PRPF8: variants seen among roughly 807,000 people sequenced by gnomAD.
PRPF8 encodes pre-mRNA processing factor 8, also known as pre-mRNA-processing-splicing factor 8.
In PRPF8, 64 loss-of-function variants were observed where a neutral mutation model predicts 285.9. The ratio of observed to expected loss-of-function variants is 0.22; its 90% CI spans 0.18 to 0.28. PRPF8 has a LOEUF of 0.28. PRPF8 is among the 10% of genes least tolerant of loss of function. The probability of loss-of-function intolerance (pLI) is 1.00; values close to 1 mark genes in which losing one functional copy is unlikely to be tolerated. For missense variants in PRPF8, 1,426 were observed against 3,026.7 expected (o/e 0.47, Z 12.41); for synonymous variants, 1,325 against 1,118.2 (o/e 1.18, Z -3.69).
intron 2 of PRPF8, 69 bp from the exon 3 acceptor site, chr17:1,683,770 G>A: frequency 6.3e-7 from 1 of 1,583,230 alleles, no homozygotes; most frequent in Non-Finnish European, 8.6e-7. Flanking sequence ...TTGCCCTAGG[G>A]TAAGCTCCTG....
chr17:1,676,699 G>A lies in PRPF8; in HGVS notation c.2194C>T (p.Pro732Ser). The A allele has an allele frequency of 1.2e-6, 2 of 1,614,032 alleles. No homozygotes were observed. The highest frequency in any genetic ancestry group is 1.7e-6 in the Non-Finnish European group (2 of 1,180,030). ...ANIPWKVPGL[P>S]TPIENMILRY... ...AGGATCATATTCTCTATGGGCGTCG[G>A]CAGCCCAGGGACCTAAAAGTCCAAA... The change falls in exon 16 of 43, where the codon CCG becomes TCG. Residue 732 changes from proline (P) to serine (S), a missense_variant. Physicochemically the swap from Pro to Ser is moderately conservative, Grantham distance 74 (BLOSUM62 -1). Transcript: ENST00000304992. The surrounding 1 kb of genome is among the most constrained non-coding windows in gnomAD (Gnocchi z 6.3).
At position 1,659,386 on chromosome 17, in the gene PRPF8, G is replaced by A. The variant is rs1328845406; in HGVS notation, c.5109C>T (p.Ile1703=). Residue 1703 remains isoleucine (I), a synonymous_variant, in exon 32 of 43, where the codon ATC becomes ATT. Coordinates refer to ENST00000304992, the MANE Select transcript of PRPF8 (RefSeq NM_006445.4). The surrounding 1 kb of genome is among the most constrained non-coding windows in gnomAD (Gnocchi z 5.1). ...GCAAGTTATAGGCCAGGTCAATGGC[G>A]ATGAGTACACCTGTGGGCGAAGGGT... The part of the protein sequence containing the change: ...SIYPSPTGVL[I]AIDLAYNLHS... 8 of 1,613,946 alleles carry A rather than the reference G, an allele frequency of 5.0e-6. No individual in the cohort carries two copies. Among genetic ancestry groups the A allele is most frequent in the East Asian group, 2.2e-5 (1 of 44,890 alleles).
At chr17:1,669,148 C>T (rs928987847) in intron 24 of PRPF8, among the ~76,000 whole-genome samples, 4 of 152,168 alleles carry the variant, frequency 2.6e-5, no homozygotes, top group Non-Finnish European at 5.9e-5. Context: ...GCTCTGTCGC[C>T]GAGGCTGGGG....
chr17:1,672,925 T>C, intron 24 of PRPF8, 156 bp downstream of exon 24: 2 of 744,212 alleles, frequency 2.7e-6, no homozygotes, highest in Non-Finnish European at 4.9e-6. Context: ...TGAAGTGACC[T>C]GACATACTAT....
intron 24 of PRPF8, among the ~76,000 whole-genome samples, chr17:1,669,313 GC>G (rs1290183316): frequency 6.6e-6 from 1 of 152,074 alleles, no homozygotes; most frequent in Non-Finnish European, 1.5e-5. Flanking sequence ...CACCATGTTG[GC>G]CAGGCTGGTC....
chr17:1,661,584 G>A lies in PRPF8; in HGVS notation c.4202+27C>T, dbSNP rs1262984710. ...AAGGCCACCACTGCCCCTGCCCCAG[G>A]GTTGGCATGCCCTCCTAGGTGCCCA... On this transcript the variant is annotated intron_variant, in intron 26 of 42. Coordinates refer to ENST00000304992, the MANE Select transcript of PRPF8 (RefSeq NM_006445.4). The surrounding 1 kb of genome is among the most constrained non-coding windows in gnomAD (Gnocchi z 7.3). 6.2e-7 allele frequency: 1 copy of A among 1,612,420 alleles called. No homozygotes were observed. The highest frequency in any genetic ancestry group is 1.1e-5 in the South Asian group (1 of 91,020).
At position 1,659,804 on chromosome 17, in the gene PRPF8, G is replaced by A. The variant is rs766717476; in HGVS notation, c.4946+37C>T. Reference sequence around the variant, plus strand: ...GCTAGAAGAACAGGAAAACGAAAGTGTCCTGGCTGCCTAGGGCTGGGTCCT... The same window carrying A: ...GCTAGAAGAACAGGAAAACGAAAGTATCCTGGCTGCCTAGGGCTGGGTCCT... On this transcript the variant is annotated intron_variant, in intron 31 of 42. Coordinates refer to ENST00000304992, the MANE Select transcript of PRPF8 (RefSeq NM_006445.4). The surrounding 1 kb of genome is among the most constrained non-coding windows in gnomAD (Gnocchi z 5.1). The A allele has an allele frequency of 5.0e-5, 81 of 1,609,078 alleles. No homozygotes were observed. The highest frequency in any genetic ancestry group is 6.8e-5 in the Non-Finnish European group (80 of 1,176,000).
At position 1,650,991 on chromosome 17, in the gene PRPF8, G is replaced by A. The variant is rs1911016603; in HGVS notation, c.6854-35C>T. 4 of 1,614,116 alleles carry A rather than the reference G, an allele frequency of 2.5e-6. No individual in the cohort carries two copies. In the South Asian group the frequency reaches 4.4e-5, roughly 18 times the overall value. On this transcript the variant is annotated intron_variant, in intron 42 of 42. Coordinates refer to ENST00000304992, the MANE Select transcript of PRPF8 (RefSeq NM_006445.4). ...GAAGGAAACAGCCAATGTTAACAGG[G>A]CTCCTGCCTCATGCAGCCTGCGCCA... is the stretch of plus-strand genomic sequence containing the variant.
At chr17:1,664,656 A>T (rs566516775) in intron 24 of PRPF8, among the ~76,000 whole-genome samples, 44 of 150,406 alleles carry the variant, frequency 2.9e-4, no homozygotes, top group Admixed American at 1.0e-3. Flanking sequence ...ATTAATTATT[A>T]AAAAAAAAAT....
intron 3 of PRPF8, 22 bp downstream of exon 3, chr17:1,683,511 A>T: frequency 6.2e-7 from 1 of 1,613,906 alleles, no homozygotes; most frequent in Non-Finnish European, 8.5e-7. Flanking sequence ...TCCAAATGAA[A>T]TTATTTCAGG....
chr17:1,684,536 G>A lies in PRPF8; in HGVS notation c.36C>T (p.Asn12=). 1 of 1,612,592 alleles carries A rather than the reference G, an allele frequency of 6.2e-7. No homozygotes were observed. The highest frequency in any genetic ancestry group is 8.5e-7 in the Non-Finnish European group (1 of 1,179,880). The change falls in exon 2 of 43, where the codon AAC becomes AAT. Residue 12 remains asparagine (N), a synonymous_variant. Coordinates refer to ENST00000304992, the MANE Select transcript of PRPF8 (RefSeq NM_006445.4). ...AGVFPYRGPG[N]PVPGPLAPLP... is the part of the protein sequence containing the mutation. ...GCGGGGCTAGAGGGCCAGGCACCGG[G>A]TTACCCGGCCCTCGATAAGGAAACA...
In PRPF8 at chr17:1,651,430, T is replaced by G; in HGVS notation, c.6634A>C (p.Ile2212Leu). The change falls in exon 41 of 43, where the codon ATT becomes CTT. Residue 2212 changes from isoleucine to leucine, a missense_variant. Ile to Leu is a conservative substitution (Grantham distance 5). Coordinates refer to ENST00000304992, the MANE Select transcript of PRPF8 (RefSeq NM_006445.4). The surrounding 1 kb of genome is among the most constrained non-coding windows in gnomAD (Gnocchi z 5.1). ...CAGGCCCACCTGCATGTGATGATAA[T>G]GGTCTTCTCGCCATCCCAAGATGGG... ...DNPSWDGEKT[I>L]IITCSFTPGS... 6.2e-7 allele frequency: 1 copy of G among 1,614,190 alleles called. No homozygotes were observed. Among genetic ancestry groups the G allele is most frequent in the Non-Finnish European group, 8.5e-7 (1 of 1,180,026 alleles).
chr17:1,676,472 C>G lies in PRPF8; in HGVS notation c.2388+33G>C, dbSNP rs960227264. The G allele has an allele frequency of 1.9e-6, 3 of 1,613,956 alleles. No homozygotes were observed. The African/African-American group carries it at 4.0e-5, about 22-fold the overall frequency. On this transcript the variant is annotated intron_variant, in intron 16 of 42. Transcript: ENST00000304992. This position sits in a 1 kb window ranked among gnomAD's most constrained non-coding sequence, Gnocchi z 6.3. ...TCCTCCCTCTTGCCCACTCCCCCAC[C>G]ACTCACACCCAGCCCAGCCTACTCT...
At position 1,677,701 on chromosome 17, in the gene PRPF8, T is replaced by C; in HGVS notation, c.1855-7A>G. The stretch of plus-strand genomic sequence containing the variant: ...GACCCTTCCCTACAGGGCCCTACGA[T>C]CCCAAGCAGAAGTTAAGAATACAAG... On this transcript the variant is annotated splice_region_variant and splice_polypyrimidine_tract_variant and intron_variant, in intron 13 of 42. Transcript: ENST00000304992. The C allele has an allele frequency of 6.2e-7, 1 of 1,613,398 alleles. No homozygotes were observed.
In PRPF8 at chr17:1,659,554, G is replaced by A. The variant is rs2151115286; in HGVS notation, c.4947-6C>T. 1 of 1,613,192 alleles carries A rather than the reference G, an allele frequency of 6.2e-7. No homozygotes were observed. The highest frequency in any genetic ancestry group is 8.5e-7 in the Non-Finnish European group (1 of 1,180,008). On this transcript the variant is annotated splice_region_variant and splice_polypyrimidine_tract_variant and intron_variant, in intron 31 of 42. Transcript: ENST00000304992. This position sits in a 1 kb window ranked among gnomAD's most constrained non-coding sequence, Gnocchi z 5.1. ...TGGTGCTGTCCATCACATCCCTGAG[G>A]ATGAAGAGGGTTCAAGCTTCTAAGA... is the stretch of plus-strand genomic sequence containing the variant.
chr17:1,659,993 G>C lies in PRPF8; in HGVS notation c.4794C>G (p.Asp1598Glu), dbSNP rs1393257789. 6.2e-7 allele frequency: 1 copy of C among 1,614,058 alleles called. No individual in the cohort carries two copies. Among genetic ancestry groups the C allele is most frequent in the Non-Finnish European group, 8.5e-7 (1 of 1,179,944 alleles). The change falls in exon 31 of 43, where the codon GAC becomes GAG. Residue 1598 changes from aspartate (D) to glutamate (E), a missense_variant. By Grantham distance (45) the Asp-to-Glu change is conservative. Around this residue, in one of 34 missense-constraint regions of PRPF8, gnomAD observed 21 missense variants for 16.5 expected, o/e 1.27. Transcript: ENST00000304992. This position sits in a 1 kb window ranked among gnomAD's most constrained non-coding sequence, Gnocchi z 5.1. ...CAATTTCCAGTGCATCAAGTTCCTG[G>C]TCAAACACCTGAAGGAAAACATGGA... is the stretch of plus-strand genomic sequence containing the variant. ...SIVMDLCQVFDQELDALEIET... is the reference protein window; with the variant it reads ...SIVMDLCQVFEQELDALEIET...
intron 39 of PRPF8, among the ~76,000 whole-genome samples, chr17:1,652,524 C>T (rs536606766): frequency 6.6e-6 from 1 of 152,062 alleles, no homozygotes; most frequent in Non-Finnish European, 1.5e-5. Context: ...CTATAATATC[C>T]CTGATACACT....
Position 1,675,679 on chromosome 17 carries a change from G to A in PRPF8, c.2813C>T (p.Pro938Leu). ...TTCTGTGTCTGCAGGCTTAATCCAGGGTGGGAACAGGCGGCGCTTGTCGGC... is the reference window on the plus strand; with the variant it reads ...TTCTGTGTCTGCAGGCTTAATCCAGAGTGGGAACAGGCGGCGCTTGTCGGC... ...YEADKRRLFP[P>L]WIKPADTEPP... Residue 938 changes from proline (P) to leucine (L), a missense_variant, in exon 19 of 43, where the codon CCC becomes CTC. Pro to Leu is a moderately conservative substitution (Grantham distance 98). Coordinates refer to ENST00000304992, the MANE Select transcript of PRPF8 (RefSeq NM_006445.4). The surrounding 1 kb of genome is among the most constrained non-coding windows in gnomAD (Gnocchi z 6.0). The A allele has an allele frequency of 6.2e-7, 1 of 1,614,110 alleles. No homozygotes were observed. Among genetic ancestry groups the A allele is most frequent in the Admixed American group, 1.7e-5 (1 of 60,016 alleles).
chr17:1,676,090 T>C lies in PRPF8; in HGVS notation c.2553-36A>G. The C allele has an allele frequency of 1.2e-6, 2 of 1,612,272 alleles. No homozygotes were observed. The highest frequency in any genetic ancestry group is 2.1e-4 in the Middle Eastern group (1 of 4,686). On this transcript the variant is annotated intron_variant, in intron 17 of 42. Transcript: ENST00000304992. The surrounding 1 kb of genome is among the most constrained non-coding windows in gnomAD (Gnocchi z 6.3). The stretch of plus-strand genomic sequence containing the variant: ...CAATGGGAAGGGTGAATGGGAAAAC[T>C]AGGAGGAAGTAAAACCAGGAAAGAC...
Sources: allele counts gnomAD v4.1 joint callset (sites outside exome capture counted in the v4.1 genomes callset), GRCh38; gene constraint gnomAD v4.1.1; regional missense constraint gnomAD v4.1.1; non-coding constraint Gnocchi (gnomAD v3.1); transcripts MANE v1.5; gene names NCBI Gene and HGNC (gene_info 2026-07-23, HGNC 2026-07-21).